The following MAP7D1 variants were observed in gnomAD, a reference collection of about 807,000 sequenced individuals.
The protein encoded by MAP7D1 is MAP7 domain-containing protein 1.
A neutral mutation model predicts 97.5 loss-of-function variants in MAP7D1; 30 were observed. The observed-to-expected ratio is 0.31, with a 90% CI of 0.23 to 0.42. The LOEUF is 0.42. Ranked by LOEUF, MAP7D1 falls within the 10% of genes least tolerant of loss-of-function variation. The pLI is 1.00. For synonymous variants in MAP7D1, 536 were observed against 477.1 expected (o/e 1.12, Z -1.61); for missense variants, 1,184 against 1,179.5 (o/e 1.00, Z -0.06).
chr1:36,165,152 C>T (rs994301993), intron 1 of MAP7D1, among the ~76,000 whole-genome samples: 4 of 152,168 alleles, frequency 2.6e-5, no homozygotes, highest in Admixed American at 1.3e-4. Context: ...GAGACAGCAT[C>T]TTACTCTGTT....
rs549225689 is a variant in MAP7D1 at position 36,179,088 on chromosome 1, G to A, written c.2130+63G>A. 24 of 1,518,984 alleles carry A rather than the reference G, an allele frequency of 1.6e-5. No individual in the cohort carries two copies. In the East Asian group the frequency reaches 4.7e-4, roughly 29 times the overall value. The allele number at this position is 1,518,984 out of a possible 1,614,324, so 94.1% of individuals were successfully genotyped here. On this transcript the variant is annotated intron_variant, in intron 12 of 16. Transcript: ENST00000474796. Reference sequence around the variant, plus strand: ...GGGCAGGGCGGGCCAGGTGGGCGGGGCCTGGGCTTAGAGCGGACAGGACGG... The same window carrying A: ...GGGCAGGGCGGGCCAGGTGGGCGGGACCTGGGCTTAGAGCGGACAGGACGG...
chr1:36,178,232 G>A (rs528151472), intron 9 of MAP7D1, 31 bp downstream of exon 9: 1 of 1,510,340 alleles, frequency 6.6e-7, no homozygotes, highest in African/African-American at 1.4e-5. Context: ...GGGGTGGGCC[G>A]AGCGAGAGAA....
In MAP7D1 at chr1:36,179,960, G is replaced by C. The variant is rs1463209922; in HGVS notation, c.2405G>C (p.Gly802Ala). ...CAGGAGAATGGCTTCTCCACCAACG[G>C]ACCCTCTGGGGACAAGAGTCTGAGC... ...AHQENGFSTN[G>A]PSGDKSLSRT... Residue 802 changes from glycine (G) to alanine (A), a missense_variant, in exon 16 of 17, where the codon GGA (glycine) becomes GCA (alanine). By Grantham distance (60) the Gly-to-Ala change is moderately conservative. Coordinates refer to ENST00000474796, the MANE Select transcript of MAP7D1 (RefSeq NM_001388490.1). The C allele has an allele frequency of 6.2e-7, 1 of 1,614,066 alleles. No individual in the cohort carries two copies. Among genetic ancestry groups the C allele is most frequent in the Admixed American group, 1.7e-5 (1 of 60,002 alleles).
rs1644325990 is a variant in MAP7D1 at position 36,156,247 on chromosome 1, G to T, written c.-171G>T. On this transcript the variant is annotated 5_prime_UTR_variant, in exon 1 of 17. Coordinates refer to ENST00000474796, the MANE Select transcript of MAP7D1 (RefSeq NM_001388490.1). ...GAGACCCCGGGCGACCGGCACCTCC[G>T]AGACTCGCGGGCCACCTGCCTCGAC... 1 of 466,206 alleles carries T rather than the reference G, an allele frequency of 2.1e-6. No homozygotes were observed. Among genetic ancestry groups the T allele is most frequent in the Non-Finnish European group, 3.6e-6 (1 of 276,142 alleles). The allele number at this position is 466,206 out of a possible 1,614,324, so 28.9% of individuals were successfully genotyped here.
Position 36,180,000 on chromosome 1 carries a change from A to C in MAP7D1, c.2445A>C (p.Thr815=). ...AGAGTCTGAGCCGAACACCAGAGAC[A>C]CTCCTGCCCTTTGCAGAGGCAGAAG... ...GDKSLSRTPE[T]LLPFAEAEAF... The change falls in exon 16 of 17, where the codon ACA becomes ACC. Residue 815 remains threonine, a synonymous_variant. Coordinates refer to ENST00000474796, the MANE Select transcript of MAP7D1 (RefSeq NM_001388490.1). 2 of 1,614,046 alleles carry C rather than the reference A, an allele frequency of 1.2e-6. No individual in the cohort carries two copies. Among genetic ancestry groups the C allele is most frequent in the Non-Finnish European group, 1.7e-6 (2 of 1,179,994 alleles).
chr1:36,176,054 T>C lies in MAP7D1; in HGVS notation c.851-145T>C. Reference sequence around the variant, plus strand: ...GTCCAGATCATAGGGAGGACAAGTGTGGCCCCGGTGTGATTGTGGGGAGAG... The same window carrying C: ...GTCCAGATCATAGGGAGGACAAGTGCGGCCCCGGTGTGATTGTGGGGAGAG... On this transcript the variant is annotated intron_variant, in intron 6 of 16. Transcript: ENST00000474796. This position sits in a 1 kb window ranked among gnomAD's most constrained non-coding sequence, Gnocchi z 6.1. 1 of 805,558 alleles carries C rather than the reference T, an allele frequency of 1.2e-6. No homozygotes were observed. Among genetic ancestry groups the C allele is most frequent in the Non-Finnish European group, 1.9e-6 (1 of 532,456 alleles). 49.9% of individuals were successfully genotyped at this position (805,558 alleles called of 1,614,324 possible).
Position 36,159,467 on chromosome 1 carries a change from T to C in MAP7D1, c.46+3004T>C, listed in dbSNP as rs905639818. On this transcript the variant is annotated intron_variant, in intron 1 of 16. Transcript: ENST00000474796. The surrounding 1 kb of genome is among the most constrained non-coding windows in gnomAD (Gnocchi z 5.4). ...AAGAAGGCAGCGGAGAGGGGAGTTC[T>C]AGGCAGACATGAGCTAGGGTGTATC... is the stretch of plus-strand genomic sequence containing the variant. 1.3e-5 allele frequency among the ~76,000 whole-genome samples: 2 copies of C among 152,162 alleles called. No homozygotes were observed. The highest frequency in any genetic ancestry group is 2.9e-5 in the Non-Finnish European group (2 of 68,036).
rs750232866 is a variant in MAP7D1 at position 36,161,910 on chromosome 1, T to TGTGTGA, written c.46+5448_46+5449insTGTGAG. 1.7e-3 allele frequency among the ~76,000 whole-genome samples: 183 copies of TGTGTGA among 105,632 alleles called. 1 individual carries two copies. The highest frequency in any genetic ancestry group is 5.2e-3 in the African/African-American group (175 of 33,350). The allele number at this position is 105,632 out of a possible 152,430, so 69.3% of individuals were successfully genotyped here. ...GTGTGTGTGTGTGTGTGTGTGTGTG[T>TGTGTGA]GAGAGAGAGAGGAGAATATGTCTTG... On this transcript the variant is annotated intron_variant, in intron 1 of 16. Transcript: ENST00000474796.
chr1:36,173,412 G>A lies in MAP7D1; in HGVS notation c.673G>A (p.Glu225Lys), dbSNP rs780194875. Residue 225 changes from glutamate (E) to lysine (K), a missense_variant, in exon 5 of 17, where the codon GAA (glutamate) becomes AAA (lysine). Glu to Lys is a moderately conservative substitution (Grantham distance 56). Transcript: ENST00000474796. Reference protein sequence around the residue: ...IQRSVKKTWAEIRQQRWSWAG... With the variant: ...IQRSVKKTWAKIRQQRWSWAG... ...ACGGTCAGTGAAGAAGACGTGGGCCGAAATCCGGCAGCAGCGCTGGTCCTG... is the reference window on the plus strand; with the variant it reads ...ACGGTCAGTGAAGAAGACGTGGGCCAAAATCCGGCAGCAGCGCTGGTCCTG... 2.7e-5 allele frequency: 43 copies of A among 1,613,626 alleles called. No individual in the cohort carries two copies. Among genetic ancestry groups the A allele is most frequent in the East Asian group, 4.5e-5 (2 of 44,858 alleles).
intron 8 of MAP7D1, 29 bp from the exon 9 acceptor site, chr1:36,177,844 T>C (rs1644650179): frequency 6.6e-7 from 1 of 1,524,706 alleles, no homozygotes. Flanking sequence ...GTGTGTCTCC[T>C]AACCCTTCCC....
chr1:36,157,022 G>A (rs1644342869), intron 1 of MAP7D1, among the ~76,000 whole-genome samples: 1 of 152,248 alleles, frequency 6.6e-6, no homozygotes, highest in Non-Finnish European at 1.5e-5. Flanking sequence ...CGGGCCGGCG[G>A]GGAGGGGAAA....
rs1391663961 is a variant in MAP7D1, at chr1:36,178,960, C to T, written c.2065C>T (p.Arg689Trp). ...AEARSREEAE[R>W]QRLEREKHFQ... The stretch of plus-strand genomic sequence containing the variant: ...AGCTCGGTCGCGGGAAGAGGCGGAG[C>T]GGCAGCGTCTGGAGCGGGAAAAGCA... The change falls in exon 12 of 17, where the codon CGG becomes TGG. Residue 689 changes from arginine to tryptophan, a missense_variant. Arg to Trp is a moderately radical substitution (Grantham distance 101, BLOSUM62 -3). Coordinates refer to ENST00000474796, the MANE Select transcript of MAP7D1 (RefSeq NM_001388490.1). 2 of 1,558,204 alleles carry T rather than the reference C, an allele frequency of 1.3e-6. No homozygotes were observed. The highest frequency in any genetic ancestry group is 4.8e-5 in the East Asian group (2 of 41,448).
chr1:36,172,281 T>G, intron 3 of MAP7D1, 183 bp from the exon 4 acceptor site: 1 of 519,736 alleles, frequency 1.9e-6, no homozygotes, highest in Non-Finnish European at 3.3e-6. Flanking sequence ...CTCTCCTGAG[T>G]CCTGTCTTCA....
chr1:36,179,285 G>C lies in MAP7D1; in HGVS notation c.2154G>C (p.Arg718Ser), dbSNP rs1179692192. The C allele has an allele frequency of 1.2e-6, 2 of 1,614,090 alleles. No individual in the cohort carries two copies. The highest frequency in any genetic ancestry group is 1.7e-6 in the Non-Finnish European group (2 of 1,179,988). Residue 718 changes from arginine to serine, a missense_variant, in exon 13 of 17, where the codon AGG becomes AGC. By Grantham distance (110) the Arg-to-Ser change is moderately radical. Transcript: ENST00000474796. The part of the protein sequence containing the change: ...RRKRLEEIMK[R>S]TRKSEVSETK... ...AGCGTCTGGAGGAGATCATGAAGAG[G>C]ACTCGGAAGTCAGAAGTTTCTGAAA...
In MAP7D1 at chr1:36,180,644, C is replaced by T. The variant is rs577556949; in HGVS notation, c.*386C>T. On this transcript the variant is annotated 3_prime_UTR_variant, in exon 17 of 17. Transcript: ENST00000474796. The stretch of plus-strand genomic sequence containing the variant: ...GCGTGGAGAGGGTGGGTGCAGGAGG[C>T]AGACCCTCCCCCCAAAGCCCCCTGG... 73 of 276,392 alleles carry T rather than the reference C, an allele frequency of 2.6e-4. No individual in the cohort carries two copies. The highest frequency in any genetic ancestry group is 3.6e-4 in the Non-Finnish European group (52 of 143,294). The allele number at this position is 276,392 out of a possible 1,614,324, so 17.1% of individuals were successfully genotyped here. A position where few individuals can be genotyped will look rare whatever the true frequency, so the allele number is the denominator to read the frequency against.
In MAP7D1 at chr1:36,170,490, G is replaced by A. The variant is rs1270422110; in HGVS notation, c.47-481G>A. ...CAGAAAGGAGAGGGAGGCAGACATG[G>A]AAACAATCAGTGCATTTGGTGCACG... On this transcript the variant is annotated intron_variant, in intron 1 of 16. Coordinates refer to ENST00000474796, the MANE Select transcript of MAP7D1 (RefSeq NM_001388490.1). Among the ~76,000 whole-genome samples the A allele has an allele frequency of 5.0e-4, 17 of 34,140 alleles. No individual in the cohort carries two copies. The Admixed American group carries it at 5.8e-3, about 12-fold the overall frequency. The allele number at this position is 34,140 out of a possible 152,430, so 22.4% of individuals were successfully genotyped here.
In MAP7D1 at chr1:36,169,078, G is replaced by A. The variant is rs1016318313; in HGVS notation, c.47-1893G>A. Reference sequence around the variant, plus strand: ...ACCAGCCTGGCCAACATGGTGAAACGCCGTCTCTACTAAAAATACAAAAAT... The same window carrying A: ...ACCAGCCTGGCCAACATGGTGAAACACCGTCTCTACTAAAAATACAAAAAT... On this transcript the variant is annotated intron_variant, in intron 1 of 16. Transcript: ENST00000474796. 4.0e-5 allele frequency among the ~76,000 whole-genome samples: 6 copies of A among 151,378 alleles called. 1 individual carries two copies. The highest frequency in any genetic ancestry group is 4.9e-5 in the African/African-American group (2 of 41,158).
At position 36,178,966 on chromosome 1, in the gene MAP7D1, C is replaced by G. The variant is rs1263976796; in HGVS notation, c.2071C>G (p.Arg691Gly). The G allele has an allele frequency of 6.4e-7, 1 of 1,558,314 alleles. No individual in the cohort carries two copies. Among genetic ancestry groups the G allele is most frequent in the Non-Finnish European group, 8.7e-7 (1 of 1,151,610 alleles). ...ARSREEAERQ[R>G]LEREKHFQQQ... Reference sequence around the variant, plus strand: ...GTCGCGGGAAGAGGCGGAGCGGCAGCGTCTGGAGCGGGAAAAGCACTTCCA... The same window carrying G: ...GTCGCGGGAAGAGGCGGAGCGGCAGGGTCTGGAGCGGGAAAAGCACTTCCA... Residue 691 changes from arginine (R) to glycine (G), a missense_variant, in exon 12 of 17, where the codon CGT becomes GGT. By Grantham distance (125) the Arg-to-Gly change is moderately radical. Transcript: ENST00000474796.
At chr1:36,160,346 C>T (rs1355477695) in intron 1 of MAP7D1, among the ~76,000 whole-genome samples, 2 of 152,204 alleles carry the variant, frequency 1.3e-5, no homozygotes, top group African/African-American at 4.8e-5. Flanking sequence ...GGTACTGCTG[C>T]CCTTACTAGC....
Sources: allele counts gnomAD v4.1 joint callset (sites outside exome capture counted in the v4.1 genomes callset), GRCh38; gene constraint gnomAD v4.1.1; non-coding constraint Gnocchi (gnomAD v3.1); transcripts MANE v1.5; gene names NCBI Gene and HGNC (gene_info 2026-07-23, HGNC 2026-07-21).